The following HMGB1 variants were observed in gnomAD, a reference collection of about 807,000 sequenced individuals.
HMGB1 encodes the protein high mobility group protein B1.
For synonymous variants in HMGB1, 81 were observed against 84.0 expected (o/e 0.96, Z 0.19); for missense variants, 79 against 253.5 (o/e 0.31, Z 4.67).
chr13:30,504,361 C>T (rs1487789221), intron 1 of HMGB1, among the ~76,000 whole-genome samples: 1 of 152,188 alleles, frequency 6.6e-6, no homozygotes, highest in Non-Finnish European at 1.5e-5. Flanking sequence ...GATAATCTTT[C>T]ATATCTGAAA....
At chr13:30,549,591 C>T (rs138755835) in intron 1 of HMGB1, among the ~76,000 whole-genome samples, 1 of 152,164 alleles carries the variant, frequency 6.6e-6, no homozygotes, top group East Asian at 1.9e-4. Flanking sequence ...GACAGGGCTT[C>T]ACTATGTTGC....
chr13:30,502,030 C>T (rs1211070282), intron 1 of HMGB1, among the ~76,000 whole-genome samples: 2 of 152,134 alleles, frequency 1.3e-5, no homozygotes, highest in African/African-American at 4.8e-5. Flanking sequence ...AAATTCAGTG[C>T]TTGGATTTTT....
intron 1 of HMGB1, among the ~76,000 whole-genome samples, chr13:30,573,194 C>T (rs1199442065): frequency 6.6e-6 from 1 of 152,082 alleles, no homozygotes; most frequent in Admixed American, 6.5e-5. Context: ...GCAGGCTCCT[C>T]CAAATGGCAG....
chr13:30,526,466 C>T (rs1363397859), intron 1 of HMGB1, among the ~76,000 whole-genome samples: 1 of 152,156 alleles, frequency 6.6e-6, no homozygotes, highest in Non-Finnish European at 1.5e-5. Context: ...GGCTGAGAGA[C>T]ATTAAGACAG....
At chr13:30,505,345 AT>A (rs557119706) in intron 1 of HMGB1, among the ~76,000 whole-genome samples, 2 of 151,910 alleles carry the variant, frequency 1.3e-5, no homozygotes, top group South Asian at 2.1e-4. Context: ...GGCCTGGCTA[AT>A]TTTTTGTATT....
upstream of HMGB1, among the ~76,000 whole-genome samples, chr13:30,467,374 C>G (rs1011914371): frequency 6.6e-6 from 1 of 152,192 alleles, no homozygotes; most frequent in Non-Finnish European, 1.5e-5. Context: ...TTTATTTCCT[C>G]AAATGTATTA....
rs1353278112 is a variant in HMGB1 at position 30,559,577 on chromosome 13, T to G, written c.-15+57094A>C. On this transcript the variant is annotated intron_variant, in intron 1 of 4. Transcript: ENST00000405805. The surrounding 1 kb of genome is among the most constrained non-coding windows in gnomAD (Gnocchi z 6.6). The stretch of plus-strand genomic sequence containing the variant: ...GGCTGCCTGCTCTAACACATGAGAT[T>G]AAATTTAGATAGCCACATAGGGAAA... Among the ~76,000 whole-genome samples, 1 of 152,130 alleles carries G rather than the reference T, an allele frequency of 6.6e-6. No individual in the cohort carries two copies. The highest frequency in any genetic ancestry group is 1.5e-5 in the Non-Finnish European group (1 of 68,012).
At chr13:30,534,893 T>C (rs972449668) in intron 1 of HMGB1, among the ~76,000 whole-genome samples, 10 of 152,166 alleles carry the variant, frequency 6.6e-5, no homozygotes, top group Non-Finnish European at 1.0e-4. Flanking sequence ...AGCTGTTTTC[T>C]AACATCACTT....
chr13:30,498,544 C>T (rs1354653610), intron 1 of HMGB1, among the ~76,000 whole-genome samples: 1 of 151,994 alleles, frequency 6.6e-6, no homozygotes, highest in Non-Finnish European at 1.5e-5. Flanking sequence ...TGCCCCCCAC[C>T]ACCCCACGTC....
chr13:30,539,064 T>C, intron 1 of HMGB1, among the ~76,000 whole-genome samples: 1 of 151,954 alleles, frequency 6.6e-6, no homozygotes, highest in Non-Finnish European at 1.5e-5. Context: ...GCCCAGCTAA[T>C]TTTTGTATTT....
chr13:30,533,270 T>C (rs779391615), intron 1 of HMGB1, among the ~76,000 whole-genome samples: 6 of 152,250 alleles, frequency 3.9e-5, no homozygotes, highest in Non-Finnish European at 8.8e-5. Context: ...CTTCACAGTC[T>C]GGTGCTGTTC....
chr13:30,473,724 T>C (rs1362886387), intron 1 of HMGB1, among the ~76,000 whole-genome samples: 2 of 152,160 alleles, frequency 1.3e-5, no homozygotes, highest in Admixed American at 6.5e-5. Context: ...CACAGATAGA[T>C]AGCAGTTGAC....
At chr13:30,568,624 G>A (rs1014709681) in intron 1 of HMGB1, among the ~76,000 whole-genome samples, 2 of 152,174 alleles carry the variant, frequency 1.3e-5, no homozygotes, top group Admixed American at 6.5e-5. Context: ...AAGAAAGGTA[G>A]AGGGAACTGT....
At chr13:30,535,751 G>T (rs538451124) in intron 1 of HMGB1, among the ~76,000 whole-genome samples, 1 of 152,168 alleles carries the variant, frequency 6.6e-6, no homozygotes, top group Non-Finnish European at 1.5e-5. Flanking sequence ...TTAGCCAGGC[G>T]TGGTGCCACA....
At chr13:30,535,345 T>C (rs548114508) in intron 1 of HMGB1, among the ~76,000 whole-genome samples, 7 of 152,318 alleles carry the variant, frequency 4.6e-5, no homozygotes, top group East Asian at 1.9e-4. Context: ...ATGAGAATGA[T>C]TGAGAACTTC....
chr13:30,586,498 T>G (rs955451091), intron 1 of HMGB1, among the ~76,000 whole-genome samples: 12 of 145,854 alleles, frequency 8.2e-5, no homozygotes, highest in African/African-American at 3.0e-4. Flanking sequence ...TTTTTTTTTT[T>G]TTTTTTTGAG....
rs114897966 is a variant in HMGB1, at chr13:30,507,269, G to A, written c.-14-43575C>T. Among the ~76,000 whole-genome samples, 417 of 152,284 alleles carry A rather than the reference G, an allele frequency of 2.7e-3. 1 individual carries two copies. The highest frequency in any genetic ancestry group is 9.3e-3 in the African/African-American group (385 of 41,552). ...TCATCCCATAAGACTCAGCTTCAGCGTCACAACCTGTGTGAAGGGCAACCT... is the reference window on the plus strand; with the variant it reads ...TCATCCCATAAGACTCAGCTTCAGCATCACAACCTGTGTGAAGGGCAACCT... On this transcript the variant is annotated intron_variant, in intron 1 of 4. Coordinates refer to the HMGB1 transcript ENST00000405805.
chr13:30,461,594 G>A, intron 4 of HMGB1, 61 bp from the exon 5 acceptor site: 2 of 1,568,584 alleles, frequency 1.3e-6, no homozygotes, highest in Non-Finnish European at 1.7e-6. Flanking sequence ...GAAAGAAATA[G>A]AACATGGCAG....
chr13:30,565,528 A>G (rs1181098066), intron 1 of HMGB1, among the ~76,000 whole-genome samples: 1 of 152,190 alleles, frequency 6.6e-6, no homozygotes, highest in Non-Finnish European at 1.5e-5. Context: ...ACTTCATAAT[A>G]CTGCCTGAAA....
Sources: allele counts gnomAD v4.1 joint callset (sites outside exome capture counted in the v4.1 genomes callset), GRCh38; gene constraint gnomAD v4.1.1; non-coding constraint Gnocchi (gnomAD v3.1); transcripts MANE v1.5; gene names NCBI Gene and HGNC (gene_info 2026-07-23, HGNC 2026-07-21).